The following COL4A6 variants were observed in gnomAD, a reference collection of about 807,000 sequenced individuals.
The protein encoded by COL4A6 is collagen type IV alpha 6 chain.
COL4A6 carries 59 observed loss-of-function variants against 126.7 expected under a neutral mutation model. The ratio of observed to expected loss-of-function variants is 0.47; its 90% CI spans 0.38 to 0.58. The LOEUF is 0.58. Among genes scored for constraint, COL4A6 ranks in the 20% least tolerant of loss-of-function variants. The pLI, the probability that COL4A6 is intolerant of heterozygous loss-of-function variation, is 0.00. For missense variants in COL4A6, 1,285 were observed against 1,337.3 expected (o/e 0.96, Z 0.61); for synonymous variants, 547 against 496.6 (o/e 1.10, Z -1.35).
intron 3 of COL4A6, among the ~76,000 whole-genome samples, chrX:108,240,920 G>T (rs1252176752): frequency 9.0e-6 from 1 of 111,384 alleles, no homozygotes; most frequent in Non-Finnish European, 1.9e-5. Context: ...AAAAATGGAG[G>T]GGGAAGTATC....
intron 2 of COL4A6, among the ~76,000 whole-genome samples, chrX:108,324,123 C>G (rs2039095905): frequency 8.9e-6 from 1 of 112,134 alleles, no homozygotes; most frequent in African/African-American, 3.2e-5. Context: ...TGTTTTTAAG[C>G]CTACAGAAAT....
In COL4A6 at chrX:108,218,644, G is replaced by A. The variant is rs186408989; in HGVS notation, c.324+1054C>T. On this transcript the variant is annotated intron_variant, in intron 5 of 44. Coordinates refer to ENST00000334504, the MANE Select transcript of COL4A6 (RefSeq NM_033641.4). ...GAGTGCTAACATACAGCAGGGGCAC[G>A]TTAAATATCTATAGATTGGCAAAAA... Among the ~76,000 whole-genome samples, 25 of 111,887 alleles carry A rather than the reference G, an allele frequency of 2.2e-4. No homozygotes were observed. In the East Asian group the frequency reaches 4.8e-3, roughly 21 times the overall value.
At chrX:108,209,481 CA>C (rs931596202) in intron 8 of COL4A6, among the ~76,000 whole-genome samples, 1 of 108,785 alleles carries the variant, frequency 9.2e-6, no homozygotes, top group Non-Finnish European at 1.9e-5. Flanking sequence ...TAAGCTGTTT[CA>C]AAAAAAAAGT....
chrX:108,378,083 ATG>A (rs1715252098), intron 2 of COL4A6, among the ~76,000 whole-genome samples: 1 of 110,673 alleles, frequency 9.0e-6, no homozygotes, highest in Non-Finnish European at 1.9e-5. Flanking sequence ...TAAAAAAAAA[ATG>A]TTTTCATGTA....
intron 3 of COL4A6, among the ~76,000 whole-genome samples, chrX:108,289,242 A>AGTGTGTGTGT (rs34639525): frequency 3.7e-3 from 340 of 91,313 alleles, no homozygotes; most frequent in Non-Finnish European, 5.9e-3. Flanking sequence ...CAATGAGTAT[A>AGTGTGTGTGT]GTGTGTGTGT....
chrX:108,308,834 A>T (rs890400277), intron 3 of COL4A6, among the ~76,000 whole-genome samples: 3 of 111,912 alleles, frequency 2.7e-5, no homozygotes, highest in Non-Finnish European at 5.6e-5. Context: ...AGATGTATCT[A>T]TGCTTGAGCT....
chrX:108,392,383 T>C (rs1449724740), intron 2 of COL4A6, among the ~76,000 whole-genome samples: 1 of 108,903 alleles, frequency 9.2e-6, no homozygotes, highest in East Asian at 2.9e-4. Flanking sequence ...GCGTGTAATC[T>C]AGAACAGATA....
intron 3 of COL4A6, among the ~76,000 whole-genome samples, chrX:108,290,003 G>A (rs1242611416): frequency 8.9e-6 from 1 of 111,807 alleles, no homozygotes; most frequent in Non-Finnish European, 1.9e-5. Flanking sequence ...CTCTCCCAGA[G>A]CCAGTGGTTA....
intron 2 of COL4A6, chrX:108,383,791 A>C (rs2040619244): frequency 5.8e-6 from 3 of 516,159 alleles, no homozygotes; most frequent in Admixed American, 2.6e-5. Flanking sequence ...GTATGGAAGT[A>C]ATGGAAACTC....
chrX:108,405,805 A>C (rs2041194615), intron 2 of COL4A6, among the ~76,000 whole-genome samples: 1 of 111,486 alleles, frequency 9.0e-6, no homozygotes, highest in Non-Finnish European at 1.9e-5. Flanking sequence ...TCTCAAACTT[A>C]CATCCAAAGC....
At chrX:108,395,203 A>G (rs2148187398) in intron 2 of COL4A6, among the ~76,000 whole-genome samples, 1 of 111,763 alleles carries the variant, frequency 8.9e-6, no homozygotes, top group South Asian at 3.7e-4. Flanking sequence ...ACCTTTTCCT[A>G]GCAAAGTTTA....
chrX:108,303,635 G>C (rs1324439911), intron 3 of COL4A6, among the ~76,000 whole-genome samples: 1 of 111,843 alleles, frequency 8.9e-6, no homozygotes, highest in Non-Finnish European at 1.9e-5. Context: ...AGTTTCTAAA[G>C]CTAGAACGGT....
intron 2 of COL4A6, among the ~76,000 whole-genome samples, chrX:108,422,077 T>C (rs1012068780): frequency 6.2e-5 from 7 of 112,308 alleles, no homozygotes; most frequent in African/African-American, 2.3e-4. Context: ...TCTCCAATAG[T>C]TATAAAAAAC....
Position 108,172,448 on chromosome X carries a change from GA to G in COL4A6, c.3202+20del, listed in dbSNP as rs759814805. 8.6e-4 allele frequency: 854 copies of G among 994,145 alleles called. No individual in the cohort carries two copies. The highest frequency in any genetic ancestry group is 3.1e-3 in the Middle Eastern group (11 of 3,499). The allele number at this position is 994,145 out of a possible 1,213,427, so 81.9% of individuals were successfully genotyped here. A position where few individuals can be genotyped will look rare whatever the true frequency, so the allele number is the denominator to read the frequency against. ...CTTGCTCTAGAAGAAAACATTAAAA[GA>G]AAAAAAAAATGCTCCTTACCTTTCA... is the stretch of plus-strand genomic sequence containing the variant. On this transcript the variant is annotated intron_variant, in intron 32 of 44. Transcript: ENST00000334504.
chrX:108,424,356 G>A (rs2064034527), intron 2 of COL4A6, among the ~76,000 whole-genome samples: 1 of 112,167 alleles, frequency 8.9e-6, no homozygotes, highest in African/African-American at 3.2e-5. Flanking sequence ...GCAAAGATAA[G>A]TCATCAATCC....
Position 108,165,057 on chromosome X carries a change from GA to G in COL4A6, c.3809-20del. 2 of 1,189,458 alleles carry G rather than the reference GA, an allele frequency of 1.7e-6. No individual in the cohort carries two copies. Among genetic ancestry groups the G allele is most frequent in the South Asian group, 3.6e-5 (2 of 54,970 alleles). The stretch of plus-strand genomic sequence containing the variant: ...GGGCGGCCTAGGGATAAGATCGGAA[GA>G]GGGGCGAGGGGCAGGTGAACAGGTA... On this transcript the variant is annotated intron_variant, in intron 38 of 44. Transcript: ENST00000334504.
rs767967005 is a variant in COL4A6, at chrX:108,403,191, G to A, written c.63+34751C>T. Among the ~76,000 whole-genome samples, 4 of 98,429 alleles carry A rather than the reference G, an allele frequency of 4.1e-5. No homozygotes were observed. The Admixed American group carries it at 4.8e-4, about 12-fold the overall frequency. The allele number at this position is 98,429 out of a possible 115,157, so 85.5% of individuals were successfully genotyped here. On this transcript the variant is annotated intron_variant, in intron 2 of 44. Coordinates refer to ENST00000334504, the MANE Select transcript of COL4A6 (RefSeq NM_033641.4). ...CTGCTGTTAAGATCTTTTTCTTGAT[G>A]GTGTCCTAAAGTTTCACCACAATGT...
chrX:108,373,063 T>C (rs1419761483), intron 2 of COL4A6, among the ~76,000 whole-genome samples: 1 of 111,719 alleles, frequency 9.0e-6, no homozygotes, highest in African/African-American at 3.3e-5. Flanking sequence ...TCTCATATAT[T>C]TTTTTCTTCA....
At chrX:108,426,763 A>C (rs2064094531) in intron 2 of COL4A6, among the ~76,000 whole-genome samples, 1 of 112,501 alleles carries the variant, frequency 8.9e-6, no homozygotes. Context: ...CTGCAATAGT[A>C]ATAATTTTAC....
Sources: allele counts gnomAD v4.1 joint callset (sites outside exome capture counted in the v4.1 genomes callset), GRCh38; gene constraint gnomAD v4.1.1; transcripts MANE v1.5; gene names NCBI Gene and HGNC (gene_info 2026-07-23, HGNC 2026-07-21).